UNC13C: variants seen among roughly 807,000 people sequenced by gnomAD.
UNC13C encodes the protein unc-13 homolog C, also known as protein unc-13 homolog C.
UNC13C carries 174 observed loss-of-function variants against 245.4 expected under a neutral mutation model. The ratio of observed to expected loss-of-function variants is 0.71; its 90% CI spans 0.63 to 0.80. The LOEUF (loss-of-function observed/expected upper bound fraction) is 0.80. Among genes scored for constraint, UNC13C ranks in the 30% least tolerant of loss-of-function variants. UNC13C has a pLI of 0.00. For missense variants in UNC13C, 2,829 were observed against 2,602.9 expected, an observed-to-expected ratio of 1.09 and a Z score of -1.89; for synonymous variants, 992 against 895.1, an observed-to-expected ratio of 1.11 and a Z score of -1.93.
chr15:54,412,698 T>A (rs1273891493), intron 18 of UNC13C, among the ~76,000 whole-genome samples: 2 of 152,212 alleles, frequency 1.3e-5, no homozygotes, highest in African/African-American at 4.8e-5. Context: ...CAGACAATTT[T>A]TAGTATGCCA....
the UNC13C span, among the ~76,000 whole-genome samples, chr15:53,944,341 T>A: frequency 6.6e-6 from 1 of 152,172 alleles, no homozygotes; most frequent in Admixed American, 6.6e-5. Flanking sequence ...GTTGTACAGA[T>A]TATTTTATCA....
At chr15:54,264,654 C>G (rs561953492) in intron 9 of UNC13C, among the ~76,000 whole-genome samples, 10 of 151,444 alleles carry the variant, frequency 6.6e-5, no homozygotes, top group Admixed American at 4.6e-4. Context: ...CTGCAGTGTA[C>G]AAGAAATGAG....
intron 19 of UNC13C, among the ~76,000 whole-genome samples, chr15:54,493,686 A>C (rs1487768596): frequency 6.6e-6 from 1 of 152,126 alleles, no homozygotes; most frequent in Non-Finnish European, 1.5e-5. Context: ...AATTTCTCAG[A>C]GGGCACATTC....
At chr15:54,259,965 G>C (rs1567141474) in intron 8 of UNC13C, among the ~76,000 whole-genome samples, 1 of 151,732 alleles carries the variant, frequency 6.6e-6, no homozygotes, top group Non-Finnish European at 1.5e-5. Flanking sequence ...CTTAGGGCAG[G>C]AGTTTGCAAG....
intron 17 of UNC13C, among the ~76,000 whole-genome samples, chr15:54,375,895 T>G (rs1193583120): frequency 6.6e-6 from 1 of 152,224 alleles, no homozygotes; most frequent in Non-Finnish European, 1.5e-5. Flanking sequence ...GTATATTTTT[T>G]TAAAGCTGCC....
At chr15:54,545,647 G>C (rs1329942755) in intron 26 of UNC13C, among the ~76,000 whole-genome samples, 4 of 152,082 alleles carry the variant, frequency 2.6e-5, no homozygotes, top group Admixed American at 2.6e-4. Context: ...AAGTGGACAA[G>C]GATATGAACA....
At chr15:54,523,955 A>G (rs1895337133) in intron 24 of UNC13C, among the ~76,000 whole-genome samples, 7 of 152,234 alleles carry the variant, frequency 4.6e-5, no homozygotes, top group Admixed American at 3.3e-4. Context: ...ACAAGAAAAT[A>G]TCATTTAAAA....
chr15:54,259,354 G>A (rs937823621), intron 8 of UNC13C, among the ~76,000 whole-genome samples: 2 of 152,244 alleles, frequency 1.3e-5, no homozygotes, highest in Admixed American at 1.3e-4. Context: ...ATAAAGAAAA[G>A]AGGTTTAATG....
intron 1 of UNC13C, among the ~76,000 whole-genome samples, chr15:53,986,257 G>T (rs1197773807): frequency 6.6e-6 from 1 of 152,072 alleles, no homozygotes; most frequent in Non-Finnish European, 1.5e-5. Flanking sequence ...CTTGAAATGG[G>T]GAGGGAATGC....
intron 19 of UNC13C, among the ~76,000 whole-genome samples, chr15:54,437,693 A>G (rs1290301827): frequency 1.3e-5 from 2 of 151,942 alleles, no homozygotes; most frequent in Admixed American, 1.3e-4. Context: ...AAACAGGAAC[A>G]CTGTTGACAA....
chr15:54,182,091 T>G (rs1254300960), intron 4 of UNC13C, among the ~76,000 whole-genome samples: 1 of 152,016 alleles, frequency 6.6e-6, no homozygotes, highest in Non-Finnish European at 1.5e-5. Flanking sequence ...GTGGTTAGAG[T>G]GAGCATCCTT....
At chr15:53,941,245 C>G in the UNC13C span, among the ~76,000 whole-genome samples, 1 of 152,072 alleles carries the variant, frequency 6.6e-6, no homozygotes, top group Non-Finnish European at 1.5e-5. Flanking sequence ...ACTGGCTAGC[C>G]ATATGCAGAA....
chr15:54,077,400 A>G (rs1461711390), intron 2 of UNC13C, among the ~76,000 whole-genome samples: 1 of 30,850 alleles, frequency 3.2e-5, no homozygotes, highest in African/African-American at 1.8e-4. Context: ...TTTTTTTGAG[A>G]CAGAGTCTCT....
At chr15:54,275,212 T>G (rs1304772302) in intron 10 of UNC13C, among the ~76,000 whole-genome samples, 2 of 152,082 alleles carry the variant, frequency 1.3e-5, no homozygotes, top group African/African-American at 4.8e-5. Flanking sequence ...AAGACACAAA[T>G]AGTTATACTA....
chr15:54,299,941 G>C (rs1025084095), intron 12 of UNC13C, among the ~76,000 whole-genome samples: 1 of 152,222 alleles, frequency 6.6e-6, no homozygotes, highest in Non-Finnish European at 1.5e-5. Flanking sequence ...CCTATCCAGA[G>C]CTATTATGAC....
At chr15:54,089,614 T>A (rs1899447233) in intron 2 of UNC13C, among the ~76,000 whole-genome samples, 1 of 152,040 alleles carries the variant, frequency 6.6e-6, no homozygotes, top group South Asian at 2.1e-4. Context: ...TTTCCTAAAT[T>A]TTCAATTAAT....
intron 17 of UNC13C, among the ~76,000 whole-genome samples, chr15:54,390,773 A>G (rs2039937900): frequency 6.6e-6 from 1 of 152,108 alleles, no homozygotes; most frequent in Admixed American, 6.6e-5. Context: ...GGGTATATTA[A>G]AAAGTTTCAC....
At chr15:54,233,966 G>A (rs2035620297) in intron 4 of UNC13C, among the ~76,000 whole-genome samples, 1 of 151,992 alleles carries the variant, frequency 6.6e-6, no homozygotes, top group Admixed American at 6.6e-5. Context: ...TTAAATGACT[G>A]GATTTAATGC....
chr15:54,506,767 A>T lies in UNC13C; in HGVS notation c.5302-350A>T, dbSNP rs1894493637. On this transcript the variant is annotated intron_variant, in intron 22 of 32. Coordinates refer to ENST00000260323, the MANE Select transcript of UNC13C (RefSeq NM_001080534.3). ...CTTTTTTGTCTTTACTTTTCTATCAAAAGAGATGACATTTCTACTGCTATT... is the reference window on the plus strand; with the variant it reads ...CTTTTTTGTCTTTACTTTTCTATCATAAGAGATGACATTTCTACTGCTATT... 2.0e-5 allele frequency among the ~76,000 whole-genome samples: 3 copies of T among 152,144 alleles called. No individual in the cohort carries two copies. The South Asian group carries it at 6.2e-4, about 31-fold the overall frequency.
Sources: gnomAD v4.1 joint callset for allele counts (sites outside exome capture counted in the v4.1 genomes callset) on GRCh38, gnomAD v4.1.1 for gene constraint, MANE v1.5 for transcripts, NCBI Gene and HGNC (gene_info 2026-07-23, HGNC 2026-07-21) for gene names.